The following LSR variants were observed in gnomAD, a reference collection of about 807,000 sequenced individuals.
The protein encoded by LSR is lipolysis-stimulated lipoprotein receptor.
A neutral mutation model predicts 61.8 loss-of-function variants in LSR; 44 were observed. That is an observed-to-expected ratio of 0.71 (90% CI 0.56 to 0.91). The LOEUF (loss-of-function observed/expected upper bound fraction) is 0.91, where lower values mean the gene tolerates loss of function less well. Ranked by LOEUF, LSR falls within the 40% of genes least tolerant of loss-of-function variation. LSR has a pLI of 0.00. For synonymous variants in LSR, 397 were observed against 350.6 expected (o/e 1.13, Z -1.48); for missense variants, 911 against 830.5 (o/e 1.10, Z -1.19).
At chr19:35,254,375 T>C (rs1160797696) in intron 2 of LSR, among the ~76,000 whole-genome samples, 1 of 152,192 alleles carries the variant, frequency 6.6e-6, no homozygotes, top group Non-Finnish European at 1.5e-5. Flanking sequence ...GGATTACAGA[T>C]GTGAGCCACC....
chr19:35,250,680 G>A, intron 2 of LSR, 21 bp downstream of exon 2: 2 of 1,520,098 alleles, frequency 1.3e-6, no homozygotes, highest in Admixed American at 1.9e-5. Flanking sequence ...CAGGGCAGGG[G>A]GATGAGGCTG....
chr19:35,267,950 A>G lies in LSR; in HGVS notation c.*91A>G. On this transcript the variant is annotated 3_prime_UTR_variant, in exon 10 of 10. Transcript: ENST00000605618. Reference sequence around the variant, plus strand: ...GCCATACCCCTCCCGAGTCTAATAAAACGTATAATCACAAGCTCTGGAGAG... The same window carrying G: ...GCCATACCCCTCCCGAGTCTAATAAGACGTATAATCACAAGCTCTGGAGAG... 1 of 1,458,996 alleles carries G rather than the reference A, an allele frequency of 6.9e-7. No individual in the cohort carries two copies. Among genetic ancestry groups the G allele is most frequent in the Non-Finnish European group, 9.6e-7 (1 of 1,047,026 alleles). 90.4% of individuals were successfully genotyped at this position (1,458,996 alleles called of 1,614,324 possible).
At chr19:35,265,398 A>G (rs370320911) in intron 5 of LSR, among the ~76,000 whole-genome samples, 1 of 152,202 alleles carries the variant, frequency 6.6e-6, no homozygotes, top group East Asian at 1.9e-4. Context: ...TGCTGCTGCC[A>G]CAGCCTCCGC....
intron 2 of LSR, among the ~76,000 whole-genome samples, chr19:35,255,318 A>G (rs1332149953): frequency 6.6e-6 from 1 of 152,128 alleles, no homozygotes; most frequent in African/African-American, 2.4e-5. Context: ...AGGCCCTCTC[A>G]AAAAAGATAC....
chr19:35,250,760 GC>G, intron 2 of LSR, 101 bp downstream of exon 2: 1 of 848,150 alleles, frequency 1.2e-6, no homozygotes, highest in Non-Finnish European at 1.8e-6. Flanking sequence ...GCTCTTGAGT[GC>G]CAGTGTCTGA....
intron 3 of LSR, among the ~76,000 whole-genome samples, chr19:35,259,752 G>A (rs948620181): frequency 1.6e-4 from 24 of 152,204 alleles, no homozygotes; most frequent in Non-Finnish European, 2.9e-5. Context: ...TCTCACCCGA[G>A]TCCCTCGCCA....
In LSR at chr19:35,266,302, A is replaced by G; in HGVS notation, c.779-57A>G. 2.7e-6 allele frequency: 4 copies of G among 1,455,338 alleles called. No homozygotes were observed. The South Asian group carries it at 5.3e-5, about 19-fold the overall frequency. The allele number at this position is 1,455,338 out of a possible 1,614,324, so 90.2% of individuals were successfully genotyped here. On this transcript the variant is annotated intron_variant, in intron 5 of 9. Coordinates refer to ENST00000605618, the MANE Select transcript of LSR (RefSeq NM_205834.4). ...CAGGTCCCTCCGGAACCCAATGGGT[A>G]TGGGGCAGCCTGGCTCCTGCCTCAT...
At chr19:35,258,503 A>G (rs2145514025) in intron 2 of LSR, among the ~76,000 whole-genome samples, 1 of 151,456 alleles carries the variant, frequency 6.6e-6, no homozygotes, top group Non-Finnish European at 1.5e-5. Flanking sequence ...AGTCCTAACT[A>G]CTCAGGTGGG....
chr19:35,262,070 C>A, intron 4 of LSR, 89 bp downstream of exon 4: 1 of 1,221,778 alleles, frequency 8.2e-7, no homozygotes. Flanking sequence ...CCCTTCCCCA[C>A]TAAACCCTGC....
chr19:35,249,960 A>T (rs1380193424), intron 1 of LSR, among the ~76,000 whole-genome samples: 1 of 152,144 alleles, frequency 6.6e-6, no homozygotes, highest in East Asian at 1.9e-4. Flanking sequence ...GGGCATCAAC[A>T]TGGCCATCTG....
intron 3 of LSR, among the ~76,000 whole-genome samples, chr19:35,261,595 C>T (rs747002025): frequency 2.0e-5 from 3 of 152,190 alleles, no homozygotes; most frequent in South Asian, 4.1e-4. Flanking sequence ...TCCCTATCAC[C>T]GTGGTTGGAG....
rs754109372 is a variant in LSR at position 35,249,034 on chromosome 19, G to T, written c.12G>T (p.Leu4Phe). 6 of 1,597,344 alleles carry T rather than the reference G, an allele frequency of 3.8e-6. No individual in the cohort carries two copies. The highest frequency in any genetic ancestry group is 1.8e-5 in the Admixed American group (1 of 57,128). Reference protein sequence around the residue: MALLAGGLSRGLGS... With the variant: MALFAGGLSRGLGS... Reference sequence around the variant, plus strand: ...CCCAGACGGCCGCGATGGCGCTGTTGGCCGGCGGGCTCTCCAGAGGGCTGG... The same window carrying T: ...CCCAGACGGCCGCGATGGCGCTGTTTGCCGGCGGGCTCTCCAGAGGGCTGG... The change falls in exon 1 of 10, where the codon TTG becomes TTT. Residue 4 changes from leucine (L) to phenylalanine (F), a missense_variant. Coordinates refer to ENST00000605618, the MANE Select transcript of LSR (RefSeq NM_205834.4).
Position 35,249,030 on chromosome 19 carries a change from T to A in LSR, c.8T>A (p.Leu3Gln). The change falls in exon 1 of 10, where the codon CTG becomes CAG. Residue 3 changes from leucine (L) to glutamine (Q), a missense_variant. Leu to Gln is a moderately radical substitution (Grantham distance 113, BLOSUM62 -2). Transcript: ENST00000605618. MALLAGGLSRGLG... is the reference protein window; with the variant it reads MAQLAGGLSRGLG... Reference sequence around the variant, plus strand: ...CGCGCCCAGACGGCCGCGATGGCGCTGTTGGCCGGCGGGCTCTCCAGAGGG... The same window carrying A: ...CGCGCCCAGACGGCCGCGATGGCGCAGTTGGCCGGCGGGCTCTCCAGAGGG... The A allele has an allele frequency of 1.9e-6, 3 of 1,601,524 alleles. No homozygotes were observed. Among genetic ancestry groups the A allele is most frequent in the Non-Finnish European group, 1.7e-6 (2 of 1,174,696 alleles).
chr19:35,267,850 A>G lies in LSR; in HGVS notation c.1797A>G (p.Leu599=). The G allele has an allele frequency of 6.2e-7, 1 of 1,613,168 alleles. No individual in the cohort carries two copies. Among genetic ancestry groups the G allele is most frequent in the Non-Finnish European group, 8.5e-7 (1 of 1,179,784 alleles). ...ACTTGGCCCTGAGTCGGGAAAGTTT[A>G]GTCGTCTGATCTGACGTTTTCTACG... ...KKNLALSRES[L]VV The change falls in exon 10 of 10, where the codon TTA becomes TTG. Residue 599 remains leucine (L), a synonymous_variant. Transcript: ENST00000605618.
At position 35,250,591 on chromosome 19, in the gene LSR, C is replaced by G. The variant is rs1247030760; in HGVS notation, c.386C>G (p.Ala129Gly). The change falls in exon 2 of 10, where the codon GCC becomes GGC. Residue 129 changes from alanine to glycine, a missense_variant. By Grantham distance (60) the Ala-to-Gly change is moderately conservative. Transcript: ENST00000605618. ...QDSVRTVRVV[A>G]TKQGNAVTLG... Reference sequence around the variant, plus strand: ...AGCGTGCGCACCGTCAGGGTCGTGGCCACCAAGCAGGGCAACGCTGTGACC... The same window carrying G: ...AGCGTGCGCACCGTCAGGGTCGTGGGCACCAAGCAGGGCAACGCTGTGACC... The G allele has an allele frequency of 1.2e-6, 2 of 1,610,698 alleles. No homozygotes were observed. Among genetic ancestry groups the G allele is most frequent in the Non-Finnish European group, 1.7e-6 (2 of 1,177,792 alleles).
intron 5 of LSR, among the ~76,000 whole-genome samples, chr19:35,265,143 C>T (rs2065980231): frequency 6.6e-6 from 1 of 152,186 alleles, no homozygotes; most frequent in African/African-American, 2.4e-5. Context: ...CAGGCCATCC[C>T]ATCCCCTCCC....
intron 5 of LSR, among the ~76,000 whole-genome samples, chr19:35,265,388 T>A (rs1047272857): frequency 5.9e-5 from 9 of 152,208 alleles, no homozygotes; most frequent in Non-Finnish European, 1.2e-4. Flanking sequence ...CTGTTACATC[T>A]GCTGCTGCCA....
Position 35,259,097 on chromosome 19 carries a change from C to CTTCCTTTTGTCCGCTTCTG in LSR, c.574+37_574+55dup, listed in dbSNP as rs754877387. On this transcript the variant is annotated intron_variant, in intron 3 of 9. Coordinates refer to ENST00000605618, the MANE Select transcript of LSR (RefSeq NM_205834.4). ...GGCCTGGGAAGGGGGAGGCATGGCCCTTCCTTTTGTCCGCTTCTGTTCTGT... is the reference window on the plus strand; with the variant it reads ...GGCCTGGGAAGGGGGAGGCATGGCCCTTCCTTTTGTCCGCTTCTGTTCCTTTTGTCCGCTTCTGTTCTGT... 67 of 1,602,152 alleles carry CTTCCTTTTGTCCGCTTCTG rather than the reference C, an allele frequency of 4.2e-5. No homozygotes were observed. The East Asian group carries it at 1.5e-3, about 35-fold the overall frequency.
At position 35,267,269 on chromosome 19, in the gene LSR, C is replaced by G; in HGVS notation, c.1305C>G (p.Gly435=). 6.6e-7 allele frequency: 1 copy of G among 1,520,628 alleles called. No homozygotes were observed. Among genetic ancestry groups the G allele is most frequent in the South Asian group, 1.3e-5 (1 of 78,632 alleles). 94.2% of individuals were successfully genotyped at this position (1,520,628 alleles called of 1,614,324 possible). The change falls in exon 9 of 10, where the codon GGC becomes GGG. Residue 435 remains glycine (G), a synonymous_variant. Transcript: ENST00000605618. ...CCGCCAGGGAGCAGGCAGGCGGGGG[C>G]TGGCGGGCCAGGCGGCCCCGGGCCC... The part of the protein sequence containing the change: ...QEPAREQAGG[G]WRARRPRARS...
Sources: allele counts gnomAD v4.1 joint callset (sites outside exome capture counted in the v4.1 genomes callset), GRCh38; gene constraint gnomAD v4.1.1; transcripts MANE v1.5; gene names NCBI Gene and HGNC (gene_info 2026-07-23, HGNC 2026-07-21).